The following MECOM variants were observed in gnomAD, a reference collection of about 807,000 sequenced individuals.
The protein encoded by MECOM is MDS1 and EVI1 complex locus, also known as histone-lysine N-methyltransferase MECOM.
MECOM carries 13 observed loss-of-function variants against 116.3 expected under a neutral mutation model. That is an observed-to-expected ratio of 0.11 (90% CI 0.07 to 0.18). The LOEUF (loss-of-function observed/expected upper bound fraction) is 0.18, where lower values mean the gene tolerates loss of function less well. Ranked by LOEUF, MECOM falls within the 10% of genes least tolerant of loss-of-function variation. The pLI is 1.00. For synonymous variants in MECOM, 528 were observed against 535.2 expected (o/e 0.99, Z 0.19); for missense variants, 1,299 against 1,509.0 (o/e 0.86, Z 2.31).
rs1191465995 is a variant in MECOM at position 169,378,514 on chromosome 3, A to C, written c.375+2673T>G. On this transcript the variant is annotated intron_variant, in intron 2 of 16. Coordinates refer to ENST00000651503, the MANE Select transcript of MECOM (RefSeq NM_004991.4). The stretch of plus-strand genomic sequence containing the variant: ...GAAAGAAAGAAAGAAAGAAAGAAAG[A>C]AAAGAAAGAAAGAAAGAAAGAAAGA... Among the ~76,000 whole-genome samples the C allele has an allele frequency of 4.1e-3, 110 of 26,876 alleles. 14 individuals carry two copies. Among genetic ancestry groups the C allele is most frequent in the Non-Finnish European group, 5.0e-3 (78 of 15,460 alleles). The allele number at this position is 26,876 out of a possible 152,430, so 17.6% of individuals were successfully genotyped here. A position where few individuals can be genotyped will look rare whatever the true frequency, so the allele number is the denominator to read the frequency against.
At chr3:169,373,637 T>C (rs749261894) in intron 2 of MECOM, among the ~76,000 whole-genome samples, 1 of 152,014 alleles carries the variant, frequency 6.6e-6, no homozygotes, top group Admixed American at 6.6e-5. Context: ...AAGCATGCAA[T>C]GCATAATAAT....
At chr3:169,269,533 AG>A (rs1270007522) in intron 2 of MECOM, among the ~76,000 whole-genome samples, 4 of 152,212 alleles carry the variant, frequency 2.6e-5, no homozygotes, top group Non-Finnish European at 4.4e-5. Flanking sequence ...AAGAATGAAA[AG>A]TATCACTTTA....
intron 2 of MECOM, among the ~76,000 whole-genome samples, chr3:169,292,235 C>A (rs902498729): frequency 2.0e-5 from 3 of 151,914 alleles, no homozygotes; most frequent in African/African-American, 7.3e-5. Flanking sequence ...CCCAGCTACT[C>A]GGGCCAGAGA....
chr3:169,389,523 AG>A, intron 1 of MECOM: 6 of 982,786 alleles, frequency 6.1e-6, no homozygotes, highest in Non-Finnish European at 7.3e-6. Flanking sequence ...TTCTTTTGCC[AG>A]TACAAATTTT....
At chr3:169,268,414 A>T (rs1041043979) in intron 2 of MECOM, among the ~76,000 whole-genome samples, 1 of 152,244 alleles carries the variant, frequency 6.6e-6, no homozygotes, top group Non-Finnish European at 1.5e-5. Flanking sequence ...GTATGCAAAC[A>T]GGAGGAGAAC....
chr3:169,139,789 G>A (rs1277186729), intron 3 of MECOM, among the ~76,000 whole-genome samples: 1 of 151,976 alleles, frequency 6.6e-6, no homozygotes, highest in East Asian at 1.9e-4. Context: ...TCCAGGCGAA[G>A]GGTATATGTG....
At chr3:169,133,810 T>C (rs1270423266) in intron 3 of MECOM, 6 of 681,226 alleles carry the variant, frequency 8.8e-6, no homozygotes, top group East Asian at 6.6e-5. Context: ...TTTGCTTTTT[T>C]CCCCTAAACT....
chr3:169,260,926 C>T (rs1297276382), intron 2 of MECOM, among the ~76,000 whole-genome samples: 7 of 152,128 alleles, frequency 4.6e-5, no homozygotes, highest in Admixed American at 1.3e-4. Flanking sequence ...TGGCATTTAT[C>T]GTATGTCAAA....
Position 169,084,737 on chromosome 3 carries a change from T to C in MECOM, c.*172A>G. The C allele has an allele frequency of 1.5e-6, 1 of 664,498 alleles. No individual in the cohort carries two copies. Among genetic ancestry groups the C allele is most frequent in the Non-Finnish European group, 2.3e-6 (1 of 426,746 alleles). The allele number at this position is 664,498 out of a possible 1,614,324, so 41.2% of individuals were successfully genotyped here. A position where few individuals can be genotyped will look rare whatever the true frequency, so the allele number is the denominator to read the frequency against. ...AAACAAAATATCGAGAATAAATAGT[T>C]TCTTTTTTCTTTCTTTTCTTTTTTA... On this transcript the variant is annotated 3_prime_UTR_variant, in exon 17 of 17. Coordinates refer to ENST00000651503, the MANE Select transcript of MECOM (RefSeq NM_004991.4).
intron 2 of MECOM, among the ~76,000 whole-genome samples, chr3:169,194,846 A>G (rs1252272398): frequency 6.6e-6 from 1 of 152,040 alleles, no homozygotes; most frequent in Non-Finnish European, 1.5e-5. Context: ...AAAAACATAC[A>G]TAATTACACT....
At chr3:169,313,552 G>A (rs935731961) in intron 2 of MECOM, among the ~76,000 whole-genome samples, 6 of 152,192 alleles carry the variant, frequency 3.9e-5, no homozygotes, top group Admixed American at 1.3e-4. Context: ...CTAGAGCAAG[G>A]ACACCAAGGA....
chr3:169,606,187 G>A (rs1455018007), intron 1 of MECOM, among the ~76,000 whole-genome samples: 1 of 152,148 alleles, frequency 6.6e-6, no homozygotes, highest in African/African-American at 2.4e-5. Flanking sequence ...TGAGGCGGGT[G>A]TATCATCTGA....
chr3:169,466,653 A>C (rs1235357176), intron 1 of MECOM, among the ~76,000 whole-genome samples: 2 of 152,112 alleles, frequency 1.3e-5, no homozygotes, highest in Non-Finnish European at 2.9e-5. Flanking sequence ...TCTTTAAATA[A>C]AGAAAGAAAA....
At chr3:169,542,488 A>G (rs971549088) in intron 1 of MECOM, among the ~76,000 whole-genome samples, 3 of 152,180 alleles carry the variant, frequency 2.0e-5, no homozygotes, top group African/African-American at 7.2e-5. Flanking sequence ...TCTTAACTAC[A>G]TCATTGCATT....
At position 169,094,243 on chromosome 3, in the gene MECOM, A is replaced by G. The variant is rs183093874; in HGVS notation, c.3019+833T>C. ...CCATAAATAAAGATTGCTAGTCTGTATTAATCCAAATTTTTTCTGTTCTTA... is the reference window on the plus strand; with the variant it reads ...CCATAAATAAAGATTGCTAGTCTGTGTTAATCCAAATTTTTTCTGTTCTTA... On this transcript the variant is annotated intron_variant, in intron 13 of 16. Coordinates refer to ENST00000651503, the MANE Select transcript of MECOM (RefSeq NM_004991.4). 1.4e-3 allele frequency among the ~76,000 whole-genome samples: 208 copies of G among 152,312 alleles called. 2 individuals are homozygous for G. Among genetic ancestry groups the G allele is most frequent in the African/African-American group, 4.6e-3 (193 of 41,564 alleles).
At chr3:169,295,953 A>C (rs1715513711) in intron 2 of MECOM, among the ~76,000 whole-genome samples, 1 of 152,214 alleles carries the variant, frequency 6.6e-6, no homozygotes, top group African/African-American at 2.4e-5. Flanking sequence ...CAGGCCTTTC[A>C]GCTCTCATAC....
At chr3:169,198,720 A>G (rs1349115762) in intron 2 of MECOM, among the ~76,000 whole-genome samples, 1 of 152,060 alleles carries the variant, frequency 6.6e-6, no homozygotes, top group Non-Finnish European at 1.5e-5. Context: ...TCTATTTGCC[A>G]ATTACTGTAC....
At chr3:169,201,705 G>C (rs1198468887) in intron 2 of MECOM, among the ~76,000 whole-genome samples, 1 of 152,046 alleles carries the variant, frequency 6.6e-6, no homozygotes, top group Non-Finnish European at 1.5e-5. Flanking sequence ...TTTTTCCTGA[G>C]TCATAATGCC....
At chr3:169,631,170 A>G (rs1212356569) in intron 1 of MECOM, among the ~76,000 whole-genome samples, 1 of 152,204 alleles carries the variant, frequency 6.6e-6, no homozygotes, top group Non-Finnish European at 1.5e-5. Context: ...TTTCATATGT[A>G]TCTGCAGCTA....
Sources: allele counts gnomAD v4.1 joint callset (sites outside exome capture counted in the v4.1 genomes callset), GRCh38; gene constraint gnomAD v4.1.1; transcripts MANE v1.5; gene names NCBI Gene and HGNC (gene_info 2026-07-23, HGNC 2026-07-21).